The following TSNARE1 variants were observed in gnomAD, a reference collection of about 807,000 sequenced individuals.
TSNARE1 encodes the protein t-SNARE domain-containing protein 1.
In TSNARE1, 49 loss-of-function variants were observed where a neutral mutation model predicts 62.0. The observed-to-expected ratio is 0.79, with a 90% CI of 0.63 to 1.00. The LOEUF is 1.00. Ranked by LOEUF, TSNARE1 falls within the 50% of genes least tolerant of loss-of-function variation. The pLI, the probability that TSNARE1 is intolerant of heterozygous loss-of-function variation, is 0.00. For missense variants in TSNARE1, 755 were observed against 700.1 expected (o/e 1.08, Z -0.88); for synonymous variants, 328 against 294.4 (o/e 1.11, Z -1.17).
intron 9 of TSNARE1, among the ~76,000 whole-genome samples, chr8:142,309,230 T>C (rs1163785921): frequency 2.0e-5 from 3 of 152,122 alleles, no homozygotes; most frequent in Non-Finnish European, 4.4e-5. Flanking sequence ...TGAAACACAG[T>C]TTCTTCTCAA....
chr8:142,284,159 G>A (rs1025974538), intron 11 of TSNARE1, among the ~76,000 whole-genome samples: 1 of 152,100 alleles, frequency 6.6e-6, no homozygotes, highest in South Asian at 2.1e-4. Context: ...CAGAGTGGGG[G>A]CCAGTGTCTG....
At chr8:142,233,292 T>TA (rs1225459526) in intron 12 of TSNARE1, among the ~76,000 whole-genome samples, 2 of 152,210 alleles carry the variant, frequency 1.3e-5, no homozygotes, top group African/African-American at 4.8e-5. Context: ...AGGCCCCTTT[T>TA]ACAGATGGGA....
At chr8:142,279,962 G>A (rs1357642914) in intron 11 of TSNARE1, 2 of 1,114,178 alleles carry the variant, frequency 1.8e-6, no homozygotes, top group East Asian at 1.0e-4. Context: ...CCGGGGGCGG[G>A]GCCGCCCTCC....
At chr8:142,269,565 G>A (rs1324461001) in intron 12 of TSNARE1, 2 of 983,768 alleles carry the variant, frequency 2.0e-6, no homozygotes, top group Admixed American at 6.1e-5. Context: ...CTGGCCTCAA[G>A]TGATCTTCCT....
chr8:142,279,459 G>A (rs944017838), intron 11 of TSNARE1, among the ~76,000 whole-genome samples: 1 of 152,202 alleles, frequency 6.6e-6, no homozygotes. Flanking sequence ...GGTCCCAGAG[G>A]CCACCTTGTG....
intron 1 of TSNARE1, among the ~76,000 whole-genome samples, chr8:142,359,325 C>G (rs757634594): frequency 3.9e-5 from 6 of 152,148 alleles, no homozygotes; most frequent in Non-Finnish European, 7.3e-5. Flanking sequence ...GCTGCACGCC[C>G]GCTGGAGCCG....
chr8:142,305,250 G>A lies in TSNARE1; in HGVS notation c.1132-4606C>T, dbSNP rs532790811. 3.3e-5 allele frequency among the ~76,000 whole-genome samples: 5 copies of A among 152,202 alleles called. No individual in the cohort carries two copies. The South Asian group carries it at 1.0e-3, about 32-fold the overall frequency. On this transcript the variant is annotated intron_variant, in intron 9 of 13. Coordinates refer to ENST00000524325, the MANE Select transcript of TSNARE1 (RefSeq NM_145003.5). ...CAGGAGCTGTGGGCAGAGGGTGCCAGGCACCCATGGAGACCTGCCTCGGAT... is the reference window on the plus strand; with the variant it reads ...CAGGAGCTGTGGGCAGAGGGTGCCAAGCACCCATGGAGACCTGCCTCGGAT...
At chr8:142,257,133 C>A (rs1440707025) in intron 12 of TSNARE1, among the ~76,000 whole-genome samples, 1 of 152,214 alleles carries the variant, frequency 6.6e-6, no homozygotes, top group Non-Finnish European at 1.5e-5. Context: ...TCCCTCATCA[C>A]CTCTCTCCGA....
At chr8:142,392,087 G>A (rs773660082) in intron 1 of TSNARE1, among the ~76,000 whole-genome samples, 9 of 152,116 alleles carry the variant, frequency 5.9e-5, no homozygotes, top group East Asian at 1.9e-4. Context: ...GCAATGGTGC[G>A]ATCTCAGTTT....
chr8:142,346,764 C>T (rs1261066082), intron 2 of TSNARE1, among the ~76,000 whole-genome samples: 1 of 152,244 alleles, frequency 6.6e-6, no homozygotes, highest in Non-Finnish European at 1.5e-5. Flanking sequence ...AGGGCTGCAT[C>T]CTTGAGCCAA....
intron 2 of TSNARE1, among the ~76,000 whole-genome samples, chr8:142,346,094 G>A (rs1260282509): frequency 6.6e-6 from 1 of 152,170 alleles, no homozygotes. Flanking sequence ...AGAACTTTAG[G>A]TGTTCCGGAC....
At chr8:142,377,360 A>G (rs1412605082) in intron 1 of TSNARE1, among the ~76,000 whole-genome samples, 1 of 152,224 alleles carries the variant, frequency 6.6e-6, no homozygotes, top group African/African-American at 2.4e-5. Flanking sequence ...CTAAAAAAAA[A>G]AAAGCTTCTA....
At chr8:142,336,072 T>C (rs1008226399) in intron 4 of TSNARE1, among the ~76,000 whole-genome samples, 2 of 152,100 alleles carry the variant, frequency 1.3e-5, no homozygotes, top group Non-Finnish European at 2.9e-5. Flanking sequence ...CACTTGAGCC[T>C]AGAAGTTCAA....
chr8:142,335,785 T>A (rs956261080), intron 4 of TSNARE1, among the ~76,000 whole-genome samples: 4 of 152,238 alleles, frequency 2.6e-5, no homozygotes, highest in Non-Finnish European at 5.9e-5. Flanking sequence ...TAGATTTTAA[T>A]TAATTAAAAT....
intron 12 of TSNARE1, among the ~76,000 whole-genome samples, chr8:142,258,021 A>G (rs1818671268): frequency 6.6e-6 from 1 of 152,182 alleles, no homozygotes; most frequent in African/African-American, 2.4e-5. Flanking sequence ...ACCTGTGCTT[A>G]TACACACATG....
chr8:142,270,466 C>T (rs371331608), intron 12 of TSNARE1: 49 of 965,964 alleles, frequency 5.1e-5, no homozygotes, highest in African/African-American at 4.6e-4. Context: ...CATACAGTAC[C>T]AAGTAATATA....
At chr8:142,338,506 C>T (rs1349917204) in intron 4 of TSNARE1, among the ~76,000 whole-genome samples, 3 of 150,508 alleles carry the variant, frequency 2.0e-5, no homozygotes, top group African/African-American at 7.5e-5. Flanking sequence ...AGCTGACAGG[C>T]TGCCTCGACC....
chr8:142,244,775 G>A (rs1355380371), intron 12 of TSNARE1, among the ~76,000 whole-genome samples: 1 of 152,240 alleles, frequency 6.6e-6, no homozygotes, highest in Non-Finnish European at 1.5e-5. Flanking sequence ...GCTTACCGCA[G>A]CCCACAGAGC....
At chr8:142,279,097 C>T (rs1197470147) in intron 11 of TSNARE1, among the ~76,000 whole-genome samples, 1 of 152,128 alleles carries the variant, frequency 6.6e-6, no homozygotes, top group African/African-American at 2.4e-5. Flanking sequence ...GGAGGGAAGC[C>T]CTCCTTCTTC....
Sources: gnomAD v4.1 joint callset for allele counts (sites outside exome capture counted in the v4.1 genomes callset) on GRCh38, gnomAD v4.1.1 for gene constraint, MANE v1.5 for transcripts, NCBI Gene and HGNC (gene_info 2026-07-23, HGNC 2026-07-21) for gene names.